Variants in PPARGC1A observed in about 807,000 individuals in gnomAD.
PPARGC1A encodes peroxisome proliferator-activated receptor gamma coactivator 1-alpha.
PPARGC1A carries 25 observed loss-of-function variants against 88.7 expected under a neutral mutation model. The ratio of observed to expected loss-of-function variants is 0.28; its 90% CI spans 0.21 to 0.39. The LOEUF (loss-of-function observed/expected upper bound fraction) is 0.39. Ranked by LOEUF, PPARGC1A falls within the 10% of genes least tolerant of loss-of-function variation. The pLI is 1.00. For synonymous variants in PPARGC1A, 363 were observed against 355.6 expected, an observed-to-expected ratio of 1.02 and a Z score of -0.24; for missense variants, 880 against 968.7, an observed-to-expected ratio of 0.91 and a Z score of 1.22.
chr4:24,175,351 TG>T, the PPARGC1A span, among the ~76,000 whole-genome samples: 1 of 150,138 alleles, frequency 6.7e-6, no homozygotes, highest in Admixed American at 6.6e-5. Context: ...GGCGGGTTTT[TG>T]TTTTTTTTTT....
At chr4:24,235,952 C>A in the PPARGC1A span, among the ~76,000 whole-genome samples, 7 of 152,176 alleles carry the variant, frequency 4.6e-5, no homozygotes, top group African/African-American at 1.7e-4. Context: ...TGTTTTCCTT[C>A]ATCCTGTGAC....
intron 3 of PPARGC1A, 198 bp downstream of exon 3, chr4:23,831,359 T>C (rs1170076003): frequency 4.6e-6 from 2 of 434,902 alleles, no homozygotes; most frequent in Admixed American, 7.7e-5. Context: ...AAAACTGCAA[T>C]AAGACTACAC....
At position 23,813,887 on chromosome 4, in the gene PPARGC1A, T is replaced by C. The variant is rs760792523; in HGVS notation, c.1596A>G (p.Ser532=). The C allele has an allele frequency of 6.2e-7, 1 of 1,613,844 alleles. No individual in the cohort carries two copies. The highest frequency in any genetic ancestry group is 2.2e-5 in the East Asian group (1 of 44,862). The change falls in exon 8 of 13, where the codon TCA becomes TCG. Residue 532 remains serine, a synonymous_variant. Coordinates refer to ENST00000264867, the MANE Select transcript of PPARGC1A (RefSeq NM_013261.5). Reference sequence around the variant, plus strand: ...AACAAGAAGGAGACACATTGAACAATGAATAGGATTGCGTGCCATCCCAAG... The same window carrying C: ...AACAAGAAGGAGACACATTGAACAACGAATAGGATTGCGTGCCATCCCAAG... ...SYPWDGTQSY[S]LFNVSPSCSS... is the part of the protein sequence containing the mutation.
the PPARGC1A span, among the ~76,000 whole-genome samples, chr4:24,338,351 T>A: frequency 1.2e-3 from 188 of 152,322 alleles, 1 homozygote; most frequent in African/African-American, 4.4e-3. Context: ...ATTTTAATGA[T>A]GTTTTTTAAT....
At chr4:24,284,865 A>T in the PPARGC1A span, among the ~76,000 whole-genome samples, 3 of 152,130 alleles carry the variant, frequency 2.0e-5, no homozygotes, top group African/African-American at 7.2e-5. Flanking sequence ...TGTCTTTACC[A>T]AAAATACAAA....
At chr4:24,112,741 T>C in the PPARGC1A span, among the ~76,000 whole-genome samples, 3 of 152,226 alleles carry the variant, frequency 2.0e-5, no homozygotes, top group African/African-American at 2.4e-5. Context: ...ATAATTCCAA[T>C]AGCAATCTCA....
chr4:24,432,027 G>C, the PPARGC1A span, among the ~76,000 whole-genome samples: 20 of 152,272 alleles, frequency 1.3e-4, no homozygotes, highest in Non-Finnish European at 2.4e-4. Context: ...GGGAAAATGG[G>C]GGTGAGGTCA....
At chr4:24,089,511 T>TTTG in the PPARGC1A span, among the ~76,000 whole-genome samples, 1 of 30,668 alleles carries the variant, frequency 3.3e-5, no homozygotes, top group African/African-American at 8.3e-5. Flanking sequence ...TTTTCTTTTC[T>TTTG]TTCTTTTTTT....
At chr4:23,909,629 G>A in the PPARGC1A span, among the ~76,000 whole-genome samples, 1 of 151,838 alleles carries the variant, frequency 6.6e-6, no homozygotes, top group Non-Finnish European at 1.5e-5. Context: ...ATGAGGGAGA[G>A]ACAGCATTCC....
the PPARGC1A span, among the ~76,000 whole-genome samples, chr4:24,157,645 T>C: frequency 7.2e-5 from 11 of 152,178 alleles, no homozygotes; most frequent in Admixed American, 2.6e-4. Flanking sequence ...CTGTTGTTCA[T>C]GCCCAAAGCC....
the PPARGC1A span, among the ~76,000 whole-genome samples, chr4:24,088,159 G>A: frequency 2.0e-5 from 3 of 151,910 alleles, no homozygotes; most frequent in East Asian, 5.8e-4. Context: ...GATTAGTCGA[G>A]GCAACATAGA....
the PPARGC1A span, among the ~76,000 whole-genome samples, chr4:24,405,945 C>T: frequency 4.6e-5 from 7 of 151,682 alleles, no homozygotes; most frequent in African/African-American, 1.7e-4. Context: ...TTTCTTCCTC[C>T]CCACTCTCAC....
At position 23,828,446 on chromosome 4, in the gene PPARGC1A, G is replaced by A; in HGVS notation, c.711C>T (p.Thr237=). 2 of 1,614,048 alleles carry A rather than the reference G, an allele frequency of 1.2e-6. No homozygotes were observed. Among genetic ancestry groups the A allele is most frequent in the South Asian group, 1.1e-5 (1 of 91,062 alleles). The change falls in exon 5 of 13, where the codon ACC becomes ACT. Residue 237 remains threonine, a synonymous_variant. Coordinates refer to ENST00000264867, the MANE Select transcript of PPARGC1A (RefSeq NM_013261.5). ...ENRNSSRDKC[T]SKKKSHTQSQ... ...ACTGTGTGTGGGACTTCTTTTTGGA[G>A]GTGCATTTGTCTCTGCTGCTGTTTC... is the stretch of plus-strand genomic sequence containing the variant.
At chr4:23,887,786 C>T (rs904774047) in intron 1 of PPARGC1A, among the ~76,000 whole-genome samples, 1 of 151,482 alleles carries the variant, frequency 6.6e-6, no homozygotes, top group Non-Finnish European at 1.5e-5. Context: ...GACTTGGCCA[C>T]ATTAATTATA....
At chr4:23,905,569 G>A (rs578053555), upstream of PPARGC1A, among the ~76,000 whole-genome samples, 116 of 152,206 alleles carry the variant, frequency 7.6e-4, no homozygotes, top group Non-Finnish European at 2.8e-4. Context: ...TTGGTGGCTA[G>A]AATAAAAATA....
At chr4:23,797,892 C>T (rs574880193) in intron 12 of PPARGC1A, among the ~76,000 whole-genome samples, 1 of 152,312 alleles carries the variant, frequency 6.6e-6, no homozygotes, top group Non-Finnish European at 1.5e-5. Flanking sequence ...TCCTCTGTGA[C>T]CTGCACGTAC....
the PPARGC1A span, among the ~76,000 whole-genome samples, chr4:24,150,921 C>T: frequency 6.6e-6 from 1 of 152,198 alleles, no homozygotes; most frequent in Non-Finnish European, 1.5e-5. Flanking sequence ...ACCCTCTCCT[C>T]TCTATTTCCA....
intron 8 of PPARGC1A, 109 bp from the exon 9 acceptor site, chr4:23,813,234 T>C: frequency 1.1e-6 from 1 of 909,498 alleles, no homozygotes; most frequent in East Asian, 2.4e-5. Flanking sequence ...GACTGGCTTT[T>C]TCTTCCCAGC....
At chr4:23,937,834 G>A in the PPARGC1A span, among the ~76,000 whole-genome samples, 3 of 152,112 alleles carry the variant, frequency 2.0e-5, no homozygotes, top group African/African-American at 7.2e-5. Context: ...CTTTTCCTGT[G>A]ATATTTTTCT....
Sources: allele counts gnomAD v4.1 joint callset (sites outside exome capture counted in the v4.1 genomes callset), GRCh38; gene constraint gnomAD v4.1.1; transcripts MANE v1.5; gene names NCBI Gene and HGNC (gene_info 2026-07-23, HGNC 2026-07-21).